MARK1: variants seen among roughly 807,000 people sequenced by gnomAD.
MARK1 encodes the protein serine/threonine-protein kinase MARK1.
MARK1 carries 40 observed loss-of-function variants against 96.3 expected under a neutral mutation model. That is an observed-to-expected ratio of 0.42 (90% CI 0.32 to 0.54). The LOEUF is 0.54. Among genes scored for constraint, MARK1 ranks in the 20% least tolerant of loss-of-function variants. The probability of loss-of-function intolerance (pLI) is 0.16; values close to 1 mark genes in which losing one functional copy is unlikely to be tolerated. For synonymous variants in MARK1, 317 were observed against 341.2 expected, an observed-to-expected ratio of 0.93 and a Z score of 0.78; for missense variants, 719 against 984.6, an observed-to-expected ratio of 0.73 and a Z score of 3.61.
chr1:220,627,360 A>G (rs1160732972), intron 9 of MARK1: 3 of 490,372 alleles, frequency 6.1e-6, no homozygotes, highest in Admixed American at 4.6e-5. Context: ...AAAGACCTAG[A>G]TGAGAAGAGC....
At chr1:220,602,920 G>A (rs1665838624) in intron 5 of MARK1, among the ~76,000 whole-genome samples, 1 of 152,022 alleles carries the variant, frequency 6.6e-6, no homozygotes, top group African/African-American at 2.4e-5. Flanking sequence ...CAGTCGCTGT[G>A]CTAAGCACAT....
chr1:220,655,941 A>G (rs915945170), intron 16 of MARK1, among the ~76,000 whole-genome samples: 3 of 152,160 alleles, frequency 2.0e-5, no homozygotes, highest in African/African-American at 7.2e-5. Flanking sequence ...CCTCAAGTAC[A>G]TTAAGCACTG....
Position 220,575,090 on chromosome 1 carries a change from A to G in MARK1, c.52-4264A>G, listed in dbSNP as rs549676025. 9.7e-4 allele frequency among the ~76,000 whole-genome samples: 147 copies of G among 152,302 alleles called. 2 individuals are homozygous for G. The highest frequency in any genetic ancestry group is 4.8e-3 in the Admixed American group (73 of 15,292). On this transcript the variant is annotated intron_variant, in intron 1 of 17. Transcript: ENST00000366917. Reference sequence around the variant, plus strand: ...TTCAGTCAGTATTAAAGGCGGGGAAAATTCTCTTATTACTCAGGAATTTGA... The same window carrying G: ...TTCAGTCAGTATTAAAGGCGGGGAAGATTCTCTTATTACTCAGGAATTTGA...
Position 220,631,129 on chromosome 1 carries a change from G to T in MARK1, c.1004G>T (p.Arg335Ile). 3 of 1,607,866 alleles carry T rather than the reference G, an allele frequency of 1.9e-6. No homozygotes were observed. Among genetic ancestry groups the T allele is most frequent in the Non-Finnish European group, 2.6e-6 (3 of 1,174,772 alleles). Residue 335 changes from arginine to isoleucine, a missense_variant, in exon 10 of 18, where the codon AGA becomes ATA. Arg to Ile is a moderately conservative substitution (Grantham distance 97). Coordinates refer to ENST00000366917, the MANE Select transcript of MARK1 (RefSeq NM_018650.5). ...EPDPDFNDTK[R>I]IDIMVTMGFA... ...GATCCGGATTTCAATGACACAAAAA[G>T]AATAGGTAAGTATTTAAACATGGTA...
intron 9 of MARK1, among the ~76,000 whole-genome samples, chr1:220,620,400 TC>T (rs1405237103): frequency 6.6e-6 from 1 of 152,196 alleles, no homozygotes; most frequent in East Asian, 1.9e-4. Context: ...TGTTTTGTAA[TC>T]CTGTTTTGTG....
chr1:220,585,992 C>CAG (rs1664573637), intron 3 of MARK1, among the ~76,000 whole-genome samples: 2 of 18,220 alleles, frequency 1.1e-4, no homozygotes, highest in African/African-American at 1.3e-4. Context: ...TATACACACA[C>CAG]ACACACACAC....
At chr1:220,568,831 T>G (rs923568004) in intron 1 of MARK1, among the ~76,000 whole-genome samples, 4 of 152,200 alleles carry the variant, frequency 2.6e-5, no homozygotes, top group African/African-American at 7.2e-5. Flanking sequence ...TGCTTGCTTC[T>G]GTTTTTTGCT....
chr1:220,635,411 G>T lies in MARK1; in HGVS notation c.1158G>T (p.Leu386Phe). 1 of 1,579,724 alleles carries T rather than the reference G, an allele frequency of 6.3e-7. No homozygotes were observed. Reference protein sequence around the residue: ...EGGESLSSGNLCQRSRPSSDL... With the variant: ...EGGESLSSGNFCQRSRPSSDL... ...GTGAATCGTTATCCAGTGGAAACTT[G>T]TGTCAGAGGTCCCGGCCCAGTAGTG... The change falls in exon 12 of 18, where the codon TTG (leucine) becomes TTT (phenylalanine). Residue 386 changes from leucine to phenylalanine, a missense_variant. Leu to Phe is a conservative substitution (Grantham distance 22, BLOSUM62 0). Transcript: ENST00000366917.
intron 17 of MARK1, among the ~76,000 whole-genome samples, chr1:220,659,935 T>G (rs6658893): frequency 1 from 152,243 of 152,280 alleles, 76,104 homozygotes; most frequent in East Asian, 1. Flanking sequence ...TTACAGGCGC[T>G]TGCCACCACA....
intron 9 of MARK1, among the ~76,000 whole-genome samples, chr1:220,620,539 T>C (rs1173489523): frequency 6.6e-6 from 1 of 152,160 alleles, no homozygotes; most frequent in Non-Finnish European, 1.5e-5. Flanking sequence ...GGGATAGATA[T>C]TACAGATCTC....
At chr1:220,538,613 C>T (rs12057242) in intron 1 of MARK1, among the ~76,000 whole-genome samples, 6,508 of 150,994 alleles carry the variant, frequency 0.043, 441 homozygotes, top group African/African-American at 0.15. Context: ...TGAAGAAAGT[C>T]ATTGGTAGCT....
At chr1:220,535,029 G>A (rs1473543870) in intron 1 of MARK1, among the ~76,000 whole-genome samples, 1 of 152,022 alleles carries the variant, frequency 6.6e-6, no homozygotes, top group African/African-American at 2.4e-5. Flanking sequence ...TAGTTTTTTG[G>A]ATAAATACCC....
Position 220,592,909 on chromosome 1 carries a change from A to G in MARK1, c.310-5422A>G, listed in dbSNP as rs1299443865. ...GTTACAAAGATGTCTGATATACTGA[A>G]ATGCTGAGTTGTGATTTTTTAAGTC... On this transcript the variant is annotated intron_variant, in intron 3 of 17. Coordinates refer to ENST00000366917, the MANE Select transcript of MARK1 (RefSeq NM_018650.5). Among the ~76,000 whole-genome samples, 4 of 152,182 alleles carry G rather than the reference A, an allele frequency of 2.6e-5. No homozygotes were observed. The East Asian group carries it at 7.7e-4, about 29-fold the overall frequency.
intron 9 of MARK1, among the ~76,000 whole-genome samples, chr1:220,620,320 G>T (rs1480915198): frequency 6.6e-6 from 1 of 151,970 alleles, no homozygotes; most frequent in Non-Finnish European, 1.5e-5. Context: ...AGAAAAATTA[G>T]GTGAAATATT....
chr1:220,529,444 T>C (rs1000545856), intron 1 of MARK1, among the ~76,000 whole-genome samples: 2 of 152,208 alleles, frequency 1.3e-5, no homozygotes, highest in African/African-American at 2.4e-5. Flanking sequence ...GAGTTTATAC[T>C]GCTGTGACAC....
intron 13 of MARK1, among the ~76,000 whole-genome samples, chr1:220,647,390 C>A (rs998081150): frequency 3.3e-5 from 5 of 151,974 alleles, no homozygotes; most frequent in Admixed American, 1.3e-4. Context: ...ATTAAAAAGT[C>A]GAGAAACAAC....
chr1:220,571,453 T>G (rs184876731), intron 1 of MARK1, among the ~76,000 whole-genome samples: 6 of 152,332 alleles, frequency 3.9e-5, no homozygotes, highest in Admixed American at 3.9e-4. Flanking sequence ...AAAACATTTT[T>G]GTCACTCATA....
At chr1:220,585,047 A>G (rs1664506622) in intron 3 of MARK1, among the ~76,000 whole-genome samples, 1 of 152,226 alleles carries the variant, frequency 6.6e-6, no homozygotes, top group Non-Finnish European at 1.5e-5. Context: ...TTATTTTGTG[A>G]AATGATATGT....
At position 220,652,051 on chromosome 1, in the gene MARK1, C is replaced by T; in HGVS notation, c.1637C>T (p.Ser546Leu). 1 of 1,613,708 alleles carries T rather than the reference C, an allele frequency of 6.2e-7. No homozygotes were observed. Among genetic ancestry groups the T allele is most frequent in the Non-Finnish European group, 8.5e-7 (1 of 1,179,682 alleles). Residue 546 changes from serine to leucine, a missense_variant, in exon 15 of 18, where the codon TCA becomes TTA. This residue lies in a region of MARK1 where 501 missense variants were observed against 588.3 expected (regional missense o/e 0.85). Coordinates refer to ENST00000366917, the MANE Select transcript of MARK1 (RefSeq NM_018650.5). ...TCTTCTGTGGCCTCTGCTGTCCCCT[C>T]AGCACGACCCCGCCACCAGAAGTCC... Reference protein sequence around the residue: ...AGSSVASAVPSARPRHQKSMS... With the variant: ...AGSSVASAVPLARPRHQKSMS...
Sources: allele counts gnomAD v4.1 joint callset (sites outside exome capture counted in the v4.1 genomes callset), GRCh38; gene constraint gnomAD v4.1.1; regional missense constraint gnomAD v4.1.1; transcripts MANE v1.5; gene names NCBI Gene and HGNC (gene_info 2026-07-23, HGNC 2026-07-21).